Variants in SLC5A11 observed in about 807,000 individuals in gnomAD.
The protein encoded by SLC5A11 is sodium/myo-inositol cotransporter 2.
In SLC5A11, 48 loss-of-function variants were observed where a neutral mutation model predicts 69.8. The observed-to-expected ratio is 0.69, with a 90% confidence interval of 0.55 to 0.87. The LOEUF (loss-of-function observed/expected upper bound fraction) is 0.87. Among genes scored for constraint, SLC5A11 ranks in the 40% least tolerant of loss-of-function variants. The pLI, the probability that SLC5A11 is intolerant of heterozygous loss-of-function variation, is 0.00. For missense variants in SLC5A11, 784 were observed against 866.1 expected, an observed-to-expected ratio of 0.91 and a Z score of 1.19; for synonymous variants, 319 against 342.4, an observed-to-expected ratio of 0.93 and a Z score of 0.75.
exon 2 of SLC5A11, chr16:24,858,757 T>C: frequency 1.2e-6 from 2 of 1,611,596 alleles, no homozygotes; most frequent in Non-Finnish European, 1.7e-6. Flanking sequence ...ACTTCCTCTT[T>C]GTCCTGGCTG....
intron 9 of SLC5A11, among the ~76,000 whole-genome samples, 187 bp from the exon 11 acceptor site, chr16:24,897,787 A>G (rs1412065185): frequency 6.6e-6 from 1 of 152,206 alleles, no homozygotes; most frequent in Non-Finnish European, 1.5e-5. Context: ...ATCAGATCTC[A>G]TGAGACATAT....
At chr16:24,852,129 T>C (rs1252231598) in intron 1 of SLC5A11, among the ~76,000 whole-genome samples, 2 of 152,170 alleles carry the variant, frequency 1.3e-5, no homozygotes, top group Non-Finnish European at 2.9e-5. Flanking sequence ...TGCTATAAAT[T>C]GTGCTCTGTT....
At chr16:24,887,834 C>CA (rs887915640) in intron 8 of SLC5A11, among the ~76,000 whole-genome samples, 8 of 152,028 alleles carry the variant, frequency 5.3e-5, no homozygotes, top group Middle Eastern at 6.8e-3. Context: ...ACATATAAAA[C>CA]AAAGTATAAC....
exon 13 of SLC5A11, chr16:24,908,124 A>T: frequency 6.3e-7 from 1 of 1,589,944 alleles, no homozygotes; most frequent in Non-Finnish European, 8.6e-7. Flanking sequence ...AAGAGGACCA[A>T]TGAAAAGGTA....
intron 10 of SLC5A11, among the ~76,000 whole-genome samples, chr16:24,901,929 A>ACACACACACAC (rs1567684557): frequency 9.0e-6 from 1 of 111,252 alleles, no homozygotes; most frequent in African/African-American, 3.7e-5. Context: ...TGGAAAAAAA[A>ACACACACACAC]ATACACACAC....
chr16:24,881,122 C>T (rs2048017930), intron 7 of SLC5A11, among the ~76,000 whole-genome samples: 1 of 151,490 alleles, frequency 6.6e-6, no homozygotes, highest in Non-Finnish European at 1.5e-5. Context: ...AGGAGAATCG[C>T]TTGAACCCTG....
At chr16:24,881,583 C>T (rs554589311) in intron 7 of SLC5A11, among the ~76,000 whole-genome samples, 32 of 152,188 alleles carry the variant, frequency 2.1e-4, no homozygotes, top group African/African-American at 7.5e-4. Context: ...CTACTGTGCC[C>T]GGCCTGTGAT....
At chr16:24,849,457 C>T (rs1437950740) in intron 1 of SLC5A11, among the ~76,000 whole-genome samples, 1 of 150,228 alleles carries the variant, frequency 6.7e-6, no homozygotes, top group Non-Finnish European at 1.5e-5. Flanking sequence ...ATCCCAGCTA[C>T]TCGGGAGGCT....
chr16:24,872,046 A>T, intron 4 of SLC5A11, 114 bp from the exon 6 acceptor site: 1 of 1,160,182 alleles, frequency 8.6e-7, no homozygotes, highest in Non-Finnish European at 1.3e-6. Flanking sequence ...AGCGAGTAAG[A>T]GACTACACCA....
chr16:24,859,441 A>ACTT, intron 2 of SLC5A11: 1 of 151,824 alleles, frequency 6.6e-6, no homozygotes, highest in African/African-American at 2.4e-5. Flanking sequence ...GTTTTTTTTT[A>ACTT]CTTTAAAGAA....
chr16:24,858,274 G>A lies in SLC5A11; in HGVS notation c.-24-346G>A, dbSNP rs117590499. Among the ~76,000 whole-genome samples the A allele has an allele frequency of 4.3e-3, 654 of 152,340 alleles. 3 individuals are homozygous for A. Among genetic ancestry groups the A allele is most frequent in the Middle Eastern group, 6.8e-3 (2 of 294 alleles). ...CCAGCTGTGAGGTACCACGGAAGTG[G>A]AGACTGACTCAGGTGTCTCATTTTT... is the stretch of plus-strand genomic sequence containing the variant. On this transcript the variant is annotated intron_variant, in intron 1 of 15. Transcript: ENST00000347898.
At chr16:24,894,954 C>CA (rs2049050515) in intron 9 of SLC5A11, among the ~76,000 whole-genome samples, 1 of 151,838 alleles carries the variant, frequency 6.6e-6, no homozygotes, top group East Asian at 1.9e-4. Flanking sequence ...CTCATCTCTA[C>CA]AAAAAAATTT....
chr16:24,884,704 A>T (rs1186713267), intron 8 of SLC5A11, among the ~76,000 whole-genome samples: 1 of 151,216 alleles, frequency 6.6e-6, no homozygotes, highest in Admixed American at 6.6e-5. Context: ...TAAATAAAAG[A>T]ATGTGAAGAG....
At chr16:24,891,402 T>C (rs969398414) in intron 9 of SLC5A11, among the ~76,000 whole-genome samples, 4 of 147,716 alleles carry the variant, frequency 2.7e-5, no homozygotes, top group Non-Finnish European at 5.9e-5. Flanking sequence ...GCAGCCTTCA[T>C]CTCCTGGGCT....
intron 1 of SLC5A11, among the ~76,000 whole-genome samples, chr16:24,849,593 A>AAAAATATATATATATATATAT: frequency 2.8e-5 from 1 of 35,922 alleles, no homozygotes; most frequent in Non-Finnish European, 5.6e-5. Flanking sequence ...AAAAAAAAAA[A>AAAAATATATATATATATATAT]ATATATATAT....
At chr16:24,906,669 G>C (rs1191729796) in exon 11 of SLC5A11, 1 of 1,610,272 alleles carries the variant, frequency 6.2e-7, no homozygotes, top group Non-Finnish European at 8.5e-7. Context: ...CAAGTGGCCT[G>C]TGCAGATCCA....
intron 14 of SLC5A11, among the ~76,000 whole-genome samples, chr16:24,909,848 A>AGT: frequency 6.6e-6 from 1 of 150,872 alleles, no homozygotes; most frequent in Non-Finnish European, 1.5e-5. Flanking sequence ...AAAAAAAAAA[A>AGT]AAAAGTAAAA....
chr16:24,905,642 A>ACGCG (rs1455247104), intron 10 of SLC5A11, among the ~76,000 whole-genome samples: 1 of 32,846 alleles, frequency 3.0e-5, no homozygotes, highest in Non-Finnish European at 8.8e-5. Flanking sequence ...GCGCGCGCGC[A>ACGCG]CACACACACA....
chr16:24,856,310 A>G (rs28545339), intron 1 of SLC5A11, among the ~76,000 whole-genome samples: 3,149 of 152,230 alleles, frequency 0.021, 96 homozygotes, highest in African/African-American at 0.072. Context: ...CAGATTGCAT[A>G]AAATGAAAAG....
Sources: allele counts gnomAD v4.1 joint callset (sites outside exome capture counted in the v4.1 genomes callset), GRCh38; gene constraint gnomAD v4.1.1; transcripts MANE v1.5; gene names NCBI Gene and HGNC (gene_info 2026-07-23, HGNC 2026-07-21).